Variants in CASP2 observed in about 807,000 individuals in gnomAD.
CASP2 encodes caspase 2.
CASP2 carries 38 observed loss-of-function variants against 54.4 expected under a neutral mutation model. The observed-to-expected ratio is 0.70, with a 90% CI of 0.54 to 0.92. CASP2 has a LOEUF of 0.92. Ranked by LOEUF, CASP2 falls within the 40% of genes least tolerant of loss-of-function variation. The pLI, the probability that CASP2 is intolerant of heterozygous loss-of-function variation, is 0.00. For synonymous variants in CASP2, 215 were observed against 216.3 expected (o/e 0.99, Z 0.05); for missense variants, 512 against 579.6 (o/e 0.88, Z 1.20).
At chr7:143,291,800 T>TG (rs398006642) in intron 2 of CASP2, 110 bp downstream of exon 2, 23 of 913,466 alleles carry the variant, frequency 2.5e-5, no homozygotes, top group Non-Finnish European at 3.5e-5. Context: ...TTTTTTTTTT[T>TG]GAGACAGAGT....
intron 6 of CASP2, among the ~76,000 whole-genome samples, chr7:143,296,787 GA>G (rs1563063235): frequency 6.6e-6 from 1 of 151,472 alleles, no homozygotes; most frequent in African/African-American, 2.4e-5. Flanking sequence ...TCTTACTTAA[GA>G]GAGGAATTCC....
At position 143,294,384 on chromosome 7, in the gene CASP2, A is replaced by C. The variant is rs1586457924; in HGVS notation, c.570+60A>C. ...TGGGAAATTAGACACCCTTCCTGGG[A>C]ACCTGAACTTAGTTTGCATGTACAT... On this transcript the variant is annotated intron_variant, in intron 5 of 10. Transcript: ENST00000310447. 9 of 1,226,124 alleles carry C rather than the reference A, an allele frequency of 7.3e-6. No individual in the cohort carries two copies. In the East Asian group the frequency reaches 2.1e-4, roughly 28 times the overall value. The allele number at this position is 1,226,124 out of a possible 1,614,324, so 76.0% of individuals were successfully genotyped here.
rs1157315625 is a variant in CASP2, at chr7:143,299,959, C to A, written c.784C>A (p.Pro262Thr). The part of the protein sequence containing the change: ...QEKLQNFAQL[P>T]AHRVTDSCIV... ...GAAACTGCAGAATTTTGCACAGTTA[C>A]CTGCACACCGAGTCACGGACTCCTG... The change falls in exon 7 of 11, where the codon CCT becomes ACT. Residue 262 changes from proline (P) to threonine (T), a missense_variant. Transcript: ENST00000310447. 6.8e-6 allele frequency: 11 copies of A among 1,614,132 alleles called. No individual in the cohort carries two copies. The highest frequency in any genetic ancestry group is 8.5e-6 in the Non-Finnish European group (10 of 1,180,004).
rs200880743 is a variant in CASP2, at chr7:143,294,285, G to T, written c.531G>T (p.Lys177Asn). 47 of 1,612,418 alleles carry T rather than the reference G, an allele frequency of 2.9e-5. No individual in the cohort carries two copies. Among genetic ancestry groups the T allele is most frequent in the Non-Finnish European group, 3.9e-5 (46 of 1,178,464 alleles). ...ATGGTCCTGTCTGCCTTCAGGTGAAGCCTTGCACTCCTGAATTTTATCAAA... is the reference window on the plus strand; with the variant it reads ...ATGGTCCTGTCTGCCTTCAGGTGAATCCTTGCACTCCTGAATTTTATCAAA... ...NKDGPVCLQV[K>N]PCTPEFYQTH... Residue 177 changes from lysine (K) to asparagine (N), a missense_variant, in exon 5 of 11, where the codon AAG (lysine) becomes AAT (asparagine). By Grantham distance (94) the Lys-to-Asn change is moderately conservative (BLOSUM62 0). This residue lies in a region of CASP2 where 417 missense variants were observed against 495.4 expected (regional missense o/e 0.84). Transcript: ENST00000310447.
chr7:143,295,026 CA>C (rs1801700183), intron 6 of CASP2, among the ~76,000 whole-genome samples: 1 of 151,066 alleles, frequency 6.6e-6, no homozygotes, highest in Admixed American at 6.6e-5. Context: ...GTTGGTGTCT[CA>C]CTTTTTTTTT....
At chr7:143,303,639 T>C (rs1801985599) in intron 8 of CASP2, 145 bp from the exon 9 acceptor site, 5 of 622,840 alleles carry the variant, frequency 8.0e-6, no homozygotes, top group South Asian at 7.6e-5. Flanking sequence ...TTTTTTTTTT[T>C]AGTTTATCAG....
Position 143,289,093 on chromosome 7 carries a change from C to T in CASP2, c.74+564C>T, listed in dbSNP as rs557045391. 8.5e-5 allele frequency among the ~76,000 whole-genome samples: 13 copies of T among 152,304 alleles called. No individual in the cohort carries two copies. In the East Asian group the frequency reaches 2.3e-3, roughly 27 times the overall value. On this transcript the variant is annotated intron_variant, in intron 1 of 10. Coordinates refer to ENST00000310447, the MANE Select transcript of CASP2 (RefSeq NM_032982.4). ...GTGGCTCCGAGTGTCCATGCCTCTG[C>T]CCCGGTCATTCCATTTCATGGCAGT...
rs1292777212 is a variant in CASP2, at chr7:143,304,688, C to T, written c.1132C>T (p.Arg378Trp). The change falls in exon 10 of 11, where the codon CGG becomes TGG. Residue 378 changes from arginine (R) to tryptophan (W), a missense_variant. Arg to Trp is a moderately radical substitution (Grantham distance 101). Transcript: ENST00000310447. ...TTTGGTTGCAGGGACTGCCGCCATGCGGAACACCAAACGAGGTTCCTGGTA... is the reference window on the plus strand; with the variant it reads ...TTTGGTTGCAGGGACTGCCGCCATGTGGAACACCAAACGAGGTTCCTGGTA... Reference protein sequence around the residue: ...YACLKGTAAMRNTKRGSWYIE... With the variant: ...YACLKGTAAMWNTKRGSWYIE... 9 of 1,613,766 alleles carry T rather than the reference C, an allele frequency of 5.6e-6. No individual in the cohort carries two copies. The highest frequency in any genetic ancestry group is 1.1e-5 in the South Asian group (1 of 91,078).
chr7:143,302,777 C>G (rs1801951899), intron 8 of CASP2: 1 of 152,160 alleles, frequency 6.6e-6, no homozygotes, highest in Non-Finnish European at 1.5e-5. Flanking sequence ...TGACAGCACC[C>G]CTGCCCACAC....
At chr7:143,294,566 G>A (rs200384110) in intron 5 of CASP2, 31 bp from the exon 6 acceptor site, 21 of 1,602,028 alleles carry the variant, frequency 1.3e-5, no homozygotes, top group Non-Finnish European at 1.8e-5. Flanking sequence ...TTATCAAGAC[G>A]CTCATGGTCT....
chr7:143,291,816 T>C (rs1384922364), intron 2 of CASP2, 126 bp downstream of exon 2: 5 of 743,852 alleles, frequency 6.7e-6, no homozygotes, highest in Non-Finnish European at 1.1e-5. Context: ...AGAGTCTCTG[T>C]CTCCCAGGCT....
intron 9 of CASP2, 52 bp downstream of exon 9, chr7:143,303,985 CTTT>C: frequency 6.8e-7 from 1 of 1,476,234 alleles, no homozygotes; most frequent in Non-Finnish European, 9.3e-7. Flanking sequence ...TTGCACTTTG[CTTT>C]ATTGTGCTTT....
At chr7:143,304,636 T>C (rs781561919) in intron 9 of CASP2, 38 bp from the exon 10 acceptor site, 1 of 1,427,082 alleles carries the variant, frequency 7.0e-7, no homozygotes, top group Non-Finnish European at 9.9e-7. Flanking sequence ...AGCTGTGTGA[T>C]GGCATTCACA....
At chr7:143,302,677 G>C (rs4647328) in intron 8 of CASP2, 2 of 151,994 alleles carry the variant, frequency 1.3e-5, no homozygotes, top group African/African-American at 4.8e-5. Context: ...AGGCTCCCTC[G>C]ACATTGCATG....
chr7:143,305,146 G>A lies in CASP2; in HGVS notation c.*75G>A. 1.3e-6 allele frequency: 2 copies of A among 1,578,550 alleles called. No homozygotes were observed. Among genetic ancestry groups the A allele is most frequent in the Non-Finnish European group, 1.7e-6 (2 of 1,149,306 alleles). The stretch of plus-strand genomic sequence containing the variant: ...GGTGTGATAGAGCCTTTGATCTTCA[G>A]GATGCACGGTTTCTGTTCTGCCCCC... On this transcript the variant is annotated 3_prime_UTR_variant, in exon 11 of 11. Coordinates refer to ENST00000310447, the MANE Select transcript of CASP2 (RefSeq NM_032982.4).
intron 6 of CASP2, among the ~76,000 whole-genome samples, chr7:143,297,680 C>T (rs544228855): frequency 6.6e-6 from 1 of 152,360 alleles, no homozygotes; most frequent in South Asian, 2.1e-4. Context: ...CTCCTGACCT[C>T]AGGTGATCCA....
Position 143,300,194 on chromosome 7 carries a change from T to C in CASP2, c.877-10T>C. 1.2e-6 allele frequency: 2 copies of C among 1,614,132 alleles called. No individual in the cohort carries two copies. The highest frequency in any genetic ancestry group is 2.2e-5 in the South Asian group (2 of 91,080). On this transcript the variant is annotated splice_polypyrimidine_tract_variant and intron_variant, in intron 7 of 10. Transcript: ENST00000310447. ...CTTAACCTCTCTTCTTCCTTCTTTC[T>C]TTCTGGCAGCTCCAAGAGGTTTTTC...
At position 143,294,743 on chromosome 7, in the gene CASP2, C is replaced by T. The variant is rs371326834; in HGVS notation, c.717C>T (p.Asp239=). Reference sequence around the variant, plus strand: ...CCCTCTTCAAGCTTTTGGGCTATGACGTCCATGTTCTATGTGACCAGACTG... The same window carrying T: ...CCCTCTTCAAGCTTTTGGGCTATGATGTCCATGTTCTATGTGACCAGACTG... The part of the protein sequence containing the change: ...LVTLFKLLGY[D]VHVLCDQTAQ... The change falls in exon 6 of 11, where the codon GAC becomes GAT. Residue 239 remains aspartate, a synonymous_variant. Transcript: ENST00000310447. The T allele has an allele frequency of 8.4e-5, 136 of 1,614,178 alleles. No individual in the cohort carries two copies. Among genetic ancestry groups the T allele is most frequent in the African/African-American group, 3.5e-4 (26 of 75,054 alleles).
At chr7:143,297,014 A>T (rs371659162) in intron 6 of CASP2, among the ~76,000 whole-genome samples, 1 of 152,180 alleles carries the variant, frequency 6.6e-6, no homozygotes, top group African/African-American at 2.4e-5. Flanking sequence ...TCCTTTTACC[A>T]TGTGGTATTG....
Sources: allele counts gnomAD v4.1 joint callset (sites outside exome capture counted in the v4.1 genomes callset), GRCh38; gene constraint gnomAD v4.1.1; regional missense constraint gnomAD v4.1.1; transcripts MANE v1.5; gene names NCBI Gene and HGNC (gene_info 2026-07-23, HGNC 2026-07-21).